FBXW7: variants seen among roughly 807,000 people sequenced by gnomAD.
The protein encoded by FBXW7 is F-box/WD repeat-containing protein 7.
Under a neutral mutation model 86.3 loss-of-function variants are expected in FBXW7, and 11 were observed. The observed-to-expected ratio is 0.13, with a 90% CI of 0.08 to 0.21. FBXW7 has a LOEUF of 0.21. FBXW7 is among the 10% of genes least tolerant of loss of function. The pLI is 1.00. For missense variants in FBXW7, 488 were observed against 847.4 expected (o/e 0.58, Z 5.27); for synonymous variants, 313 against 297.9 (o/e 1.05, Z -0.52).
At chr4:152,370,702 G>A (rs1733933140) in intron 4 of FBXW7, among the ~76,000 whole-genome samples, 1 of 151,934 alleles carries the variant, frequency 6.6e-6, no homozygotes, top group South Asian at 2.1e-4. Flanking sequence ...TAATGCCAAT[G>A]TAGTAAGATG....
intron 12 of FBXW7, chr4:152,325,190 A>G (rs963905571): frequency 6.6e-6 from 1 of 152,190 alleles, no homozygotes; most frequent in Non-Finnish European, 1.5e-5. Flanking sequence ...ACCTTTTCTA[A>G]TTTAGCAAAC....
intron 2 of FBXW7, among the ~76,000 whole-genome samples, chr4:152,509,017 A>G (rs1747712167): frequency 6.6e-6 from 1 of 152,226 alleles, no homozygotes; most frequent in Non-Finnish European, 1.5e-5. Flanking sequence ...TACAAACACA[A>G]ATTGTGCAAT....
At chr4:152,412,674 T>C (rs566092272) in intron 2 of FBXW7, 145 bp from the exon 3 acceptor site, 20 of 152,122 alleles carry the variant, frequency 1.3e-4, no homozygotes, top group African/African-American at 4.6e-4. Flanking sequence ...AGATGGGATA[T>C]ATATGGTGTA....
intron 4 of FBXW7, among the ~76,000 whole-genome samples, chr4:152,399,924 A>C (rs537543985): frequency 2.6e-5 from 4 of 152,334 alleles, no homozygotes; most frequent in Non-Finnish European, 5.9e-5. Flanking sequence ...TCAAAATCCC[A>C]GCAAGTAACA....
At chr4:152,413,852 T>G (rs778380814) in intron 2 of FBXW7, among the ~76,000 whole-genome samples, 3 of 152,170 alleles carry the variant, frequency 2.0e-5, no homozygotes, top group Non-Finnish European at 4.4e-5. Context: ...TGCATGCATT[T>G]AAACATATTA....
rs781323565 is a variant in FBXW7, at chr4:152,376,081, T to TA, written c.502-25958_502-25957insT. ...AAAATTATATGCTTAAAATCCTTAT[T>TA]GTGGTTATTTCTGACCCGTGAGATT... On this transcript the variant is annotated intron_variant, in intron 4 of 13. Transcript: ENST00000281708. Among the ~76,000 whole-genome samples, 115 of 152,234 alleles carry TA rather than the reference T, an allele frequency of 7.6e-4. 1 individual carries two copies. Among genetic ancestry groups the TA allele is most frequent in the Non-Finnish European group, 1.4e-3 (97 of 67,964 alleles).
At chr4:152,341,064 T>C (rs1019545050) in intron 6 of FBXW7, among the ~76,000 whole-genome samples, 5 of 152,166 alleles carry the variant, frequency 3.3e-5, no homozygotes, top group African/African-American at 1.2e-4. Flanking sequence ...ATGCGTCACC[T>C]AGATTATTCC....
chr4:152,513,858 T>C (rs1327189403), intron 2 of FBXW7, among the ~76,000 whole-genome samples: 2 of 152,260 alleles, frequency 1.3e-5, no homozygotes, highest in African/African-American at 2.4e-5. Context: ...CTATTGTCTT[T>C]TCCTAAAAAG....
intron 2 of FBXW7, among the ~76,000 whole-genome samples, chr4:152,437,892 T>C (rs1458266248): frequency 2.6e-5 from 4 of 152,180 alleles, no homozygotes; most frequent in African/African-American, 9.7e-5. Context: ...AAGTATTTTT[T>C]AGCCAGGCGC....
At chr4:152,499,348 C>G (rs1296205871) in intron 2 of FBXW7, among the ~76,000 whole-genome samples, 1 of 152,140 alleles carries the variant, frequency 6.6e-6, no homozygotes, top group Non-Finnish European at 1.5e-5. Context: ...TGCTTGTGCC[C>G]TAGCTGCAAG....
chr4:152,526,994 T>C (rs1445735864), intron 2 of FBXW7, among the ~76,000 whole-genome samples: 2 of 152,260 alleles, frequency 1.3e-5, no homozygotes, highest in Non-Finnish European at 2.9e-5. Context: ...TTGGGCTTAA[T>C]ATAAGGCCTG....
intron 4 of FBXW7, among the ~76,000 whole-genome samples, chr4:152,389,145 G>A (rs1156347342): frequency 6.6e-6 from 1 of 152,028 alleles, no homozygotes; most frequent in Non-Finnish European, 1.5e-5. Flanking sequence ...AGATGTTGGC[G>A]AGGATGTGGA....
intron 2 of FBXW7, among the ~76,000 whole-genome samples, chr4:152,450,625 C>G (rs1741825015): frequency 6.6e-6 from 1 of 152,124 alleles, no homozygotes; most frequent in African/African-American, 2.4e-5. Flanking sequence ...AATGTAAAAA[C>G]AAGTACCAGG....
intron 11 of FBXW7, 42 bp from the exon 12 acceptor site, chr4:152,326,273 C>A (rs1379381338): frequency 1.3e-6 from 2 of 1,510,140 alleles, no homozygotes; most frequent in African/African-American, 1.4e-5. Context: ...AACAAAAAAA[C>A]CCACGTTTAG....
intron 2 of FBXW7, among the ~76,000 whole-genome samples, chr4:152,473,342 A>C (rs1281789616): frequency 1.3e-5 from 2 of 152,254 alleles, no homozygotes; most frequent in African/African-American, 4.8e-5. Context: ...AAGCATTAAT[A>C]GTTTAGTAAG....
intron 2 of FBXW7, among the ~76,000 whole-genome samples, chr4:152,492,018 G>T (rs77481157): frequency 0.061 from 9,309 of 152,132 alleles, 568 homozygotes; most frequent in East Asian, 0.28. Flanking sequence ...CTTCAAGAAG[G>T]CCCCTTATGC....
At chr4:152,417,223 ATTATT>A (rs1245613777) in intron 2 of FBXW7, among the ~76,000 whole-genome samples, 2 of 152,172 alleles carry the variant, frequency 1.3e-5, no homozygotes, top group African/African-American at 2.4e-5. Flanking sequence ...CACCAAATTC[ATTATT>A]TTAACATCCA....
At chr4:152,412,219 T>C (rs1297289390) in intron 3 of FBXW7, among the ~76,000 whole-genome samples, 1 of 152,102 alleles carries the variant, frequency 6.6e-6, no homozygotes, top group East Asian at 1.9e-4. Flanking sequence ...ATATCCTATA[T>C]AAAACTTCCA....
intron 13 of FBXW7, chr4:152,323,630 TTTCTAAGGGCTATAACAAA>T: frequency 2.3e-5 from 4 of 175,068 alleles, no homozygotes; most frequent in Admixed American, 2.2e-4. Flanking sequence ...AAAAAAACAC[TTTCTAAGGGCTATAACAAA>T]TAGAAAAAGT....
Sources: allele counts gnomAD v4.1 joint callset (sites outside exome capture counted in the v4.1 genomes callset), GRCh38; gene constraint gnomAD v4.1.1; transcripts MANE v1.5; gene names NCBI Gene and HGNC (gene_info 2026-07-23, HGNC 2026-07-21).